CADM2: variants seen among roughly 807,000 people sequenced by gnomAD.
CADM2 encodes the protein immunoglobulin superfamily member 4D.
In CADM2, 12 loss-of-function variants were observed where a neutral mutation model predicts 49.8. That is an observed-to-expected ratio of 0.24 (90% CI 0.15 to 0.39). The LOEUF is 0.39. CADM2 is among the 10% of genes least tolerant of loss of function. The pLI is 1.00. For synonymous variants in CADM2, 214 were observed against 175.4 expected, an observed-to-expected ratio of 1.22 and a Z score of -1.74; for missense variants, 378 against 492.3, an observed-to-expected ratio of 0.77 and a Z score of 2.20.
intron 2 of CADM2, among the ~76,000 whole-genome samples, chr3:85,755,880 G>A (rs891267112): frequency 2.6e-5 from 4 of 152,098 alleles, no homozygotes; most frequent in Non-Finnish European, 2.9e-5. Context: ...AACCATATCA[G>A]ATATGACTGA....
At chr3:85,289,324 A>T (rs906124156) in intron 1 of CADM2, among the ~76,000 whole-genome samples, 3 of 152,140 alleles carry the variant, frequency 2.0e-5, no homozygotes, top group African/African-American at 7.2e-5. Context: ...TTTCTTTTTT[A>T]AGTGAGGTTA....
chr3:85,117,090 A>C (rs1403285426), intron 1 of CADM2, among the ~76,000 whole-genome samples: 1 of 152,002 alleles, frequency 6.6e-6, no homozygotes, highest in African/African-American at 2.4e-5. Context: ...GTATGGTGGC[A>C]CACGCCTGTA....
chr3:85,782,886 G>A (rs2070744027), intron 2 of CADM2, among the ~76,000 whole-genome samples: 1 of 152,000 alleles, frequency 6.6e-6, no homozygotes, highest in African/African-American at 2.4e-5. Context: ...GAAGAGAGAA[G>A]GAACAGCTAC....
chr3:85,882,963 G>C (rs1713032512), intron 3 of CADM2, among the ~76,000 whole-genome samples: 1 of 152,038 alleles, frequency 6.6e-6, no homozygotes. Flanking sequence ...GCTTTTCTTG[G>C]CACTGGTATT....
intron 1 of CADM2, among the ~76,000 whole-genome samples, chr3:85,541,725 T>G (rs1482985811): frequency 7.6e-6 from 1 of 131,498 alleles, no homozygotes; most frequent in Non-Finnish European, 1.6e-5. Flanking sequence ...ATATTATATA[T>G]ATATATTTTA....
At chr3:86,049,440 A>AT (rs1381247556) in intron 8 of CADM2, among the ~76,000 whole-genome samples, 4 of 151,586 alleles carry the variant, frequency 2.6e-5, no homozygotes, top group African/African-American at 4.9e-5. Flanking sequence ...ACGCCCGGCT[A>AT]ATTTTTTGTA....
chr3:85,523,931 A>T (rs184879415), intron 1 of CADM2, among the ~76,000 whole-genome samples: 2 of 152,248 alleles, frequency 1.3e-5, no homozygotes, highest in Non-Finnish European at 2.9e-5. Flanking sequence ...AAATAAATTG[A>T]TCATTCATTG....
chr3:85,884,981 G>T (rs1417082091), intron 4 of CADM2, among the ~76,000 whole-genome samples: 1 of 150,224 alleles, frequency 6.7e-6, no homozygotes, highest in African/African-American at 2.4e-5. Flanking sequence ...GCCTCCCAAA[G>T]TGTTGGGATT....
At chr3:85,356,377 T>G (rs116207188) in intron 1 of CADM2, among the ~76,000 whole-genome samples, 461 of 152,198 alleles carry the variant, frequency 3.0e-3, no homozygotes, top group Middle Eastern at 0.027. Flanking sequence ...TGAACACCTC[T>G]AAACTATTGA....
intron 2 of CADM2, among the ~76,000 whole-genome samples, chr3:85,751,392 C>T (rs1325058498): frequency 6.6e-6 from 1 of 152,050 alleles, no homozygotes; most frequent in Non-Finnish European, 1.5e-5. Flanking sequence ...TGTCATCTTA[C>T]AATATTTATC....
intron 1 of CADM2, among the ~76,000 whole-genome samples, chr3:85,673,509 T>A (rs575159712): frequency 1.6e-4 from 24 of 145,822 alleles, no homozygotes; most frequent in African/African-American, 6.1e-4. Context: ...AAAAAAAACC[T>A]GCCCAAAAAA....
At chr3:85,060,887 T>C (rs2036281260) in intron 1 of CADM2, among the ~76,000 whole-genome samples, 1 of 152,164 alleles carries the variant, frequency 6.6e-6, no homozygotes. Context: ...AAATCAGTAC[T>C]ATTACTTATA....
intron 1 of CADM2, among the ~76,000 whole-genome samples, chr3:85,053,773 A>G (rs1180538783): frequency 6.6e-6 from 1 of 151,934 alleles, no homozygotes; most frequent in African/African-American, 2.4e-5. Flanking sequence ...CCTTACACTG[A>G]AGTTCTCTGA....
chr3:86,055,082 T>C (rs911336678), intron 8 of CADM2, among the ~76,000 whole-genome samples: 1 of 152,184 alleles, frequency 6.6e-6, no homozygotes, highest in Non-Finnish European at 1.5e-5. Flanking sequence ...GTGAAATGAA[T>C]TTTAGCATAT....
At chr3:85,737,706 C>T (rs1244960510) in intron 2 of CADM2, among the ~76,000 whole-genome samples, 1 of 151,796 alleles carries the variant, frequency 6.6e-6, no homozygotes, top group Non-Finnish European at 1.5e-5. Context: ...TACAGGCGCC[C>T]ACCACCATGC....
At chr3:85,943,256 T>C (rs369859066) in intron 7 of CADM2, among the ~76,000 whole-genome samples, 6,520 of 136,168 alleles carry the variant, frequency 0.048, 321 homozygotes, top group African/African-American at 0.11. Flanking sequence ...GATGAGTAGG[T>C]TGCAAAAATT....
chr3:85,920,361 T>C (rs1324780390), intron 6 of CADM2, among the ~76,000 whole-genome samples: 1 of 151,852 alleles, frequency 6.6e-6, no homozygotes, highest in African/African-American at 2.4e-5. Flanking sequence ...AACTAAACTG[T>C]TCTTTTGACA....
chr3:85,299,974 A>G (rs2044054566), intron 1 of CADM2, among the ~76,000 whole-genome samples: 1 of 152,090 alleles, frequency 6.6e-6, no homozygotes, highest in African/African-American at 2.4e-5. Flanking sequence ...AAAAATTCTC[A>G]ACACCAATTA....
At chr3:85,584,382 A>T (rs1286047883) in intron 1 of CADM2, among the ~76,000 whole-genome samples, 1 of 152,030 alleles carries the variant, frequency 6.6e-6, no homozygotes, top group Non-Finnish European at 1.5e-5. Flanking sequence ...ATAAAGTTCA[A>T]ATTTAAACAC....
Sources: allele counts gnomAD v4.1 joint callset (sites outside exome capture counted in the v4.1 genomes callset), GRCh38; gene constraint gnomAD v4.1.1; transcripts MANE v1.5; gene names NCBI Gene and HGNC (gene_info 2026-07-23, HGNC 2026-07-21).